The following NREP variants were observed in gnomAD, a reference collection of about 807,000 sequenced individuals.
The protein encoded by NREP is neuronal regeneration related protein, also known as neuronal regeneration-related protein.
A neutral mutation model predicts 8.6 loss-of-function variants in NREP; 5 were observed. That is an observed-to-expected ratio of 0.58 (90% confidence interval 0.30 to 1.22). The LOEUF is 1.22. Among genes scored for constraint, NREP ranks in the 50% most tolerant of loss-of-function variants. NREP has a pLI of 0.07. For missense variants in NREP, 86 were observed against 82.5 expected (o/e 1.04, Z -0.17); for synonymous variants, 27 against 28.0 (o/e 0.96, Z 0.11).
intron 2 of NREP, among the ~76,000 whole-genome samples, chr5:111,936,882 G>A (rs1427879345): frequency 3.9e-5 from 6 of 152,042 alleles, no homozygotes; most frequent in Non-Finnish European, 7.4e-5. Flanking sequence ...TCTAACACAA[G>A]GTGCTATTTT....
chr5:111,811,902 T>G (rs1418053112), intron 2 of NREP, among the ~76,000 whole-genome samples: 1 of 152,154 alleles, frequency 6.6e-6, no homozygotes, highest in African/African-American at 2.4e-5. Context: ...AAATATAACT[T>G]AAAGAAATTA....
chr5:111,902,021 G>C (rs1047250887), intron 2 of NREP, among the ~76,000 whole-genome samples: 2 of 152,076 alleles, frequency 1.3e-5, no homozygotes, highest in African/African-American at 4.8e-5. Flanking sequence ...AACAAATGTG[G>C]AGGCACCACA....
At chr5:111,792,385 T>G (rs867868219) in intron 2 of NREP, among the ~76,000 whole-genome samples, 1 of 152,190 alleles carries the variant, frequency 6.6e-6, no homozygotes, top group African/African-American at 2.4e-5. Context: ...TTAACCCAAC[T>G]TAATAAAATG....
In NREP at chr5:111,808,159, C is replaced by A. The variant is rs546402260; in HGVS notation, c.136-72652G>T. ...TAACTTGTACTTATCTATAAGAATG[C>A]ACAAAGATTTATACCCAAGAATGTG... On this transcript the variant is annotated intron_variant, in intron 2 of 3. Coordinates refer to the NREP transcript ENST00000395634. Among the ~76,000 whole-genome samples, 13 of 152,332 alleles carry A rather than the reference C, an allele frequency of 8.5e-5. No homozygotes were observed. The South Asian group carries it at 2.7e-3, about 32-fold the overall frequency.
intron 2 of NREP, among the ~76,000 whole-genome samples, chr5:111,766,868 CATAA>C (rs1457650508): frequency 2.6e-5 from 4 of 152,216 alleles, no homozygotes; most frequent in Non-Finnish European, 5.9e-5. Context: ...TTTTCTTGGT[CATAA>C]ATCATATGGG....
At chr5:111,961,087 C>T (rs1338972354) in intron 2 of NREP, among the ~76,000 whole-genome samples, 1 of 152,214 alleles carries the variant, frequency 6.6e-6, no homozygotes, top group Non-Finnish European at 1.5e-5. Flanking sequence ...TTTATCTTAA[C>T]CCTTCCCACT....
intron 2 of NREP, among the ~76,000 whole-genome samples, chr5:111,900,441 AG>A (rs1263042866): frequency 6.6e-6 from 1 of 152,056 alleles, no homozygotes; most frequent in African/African-American, 2.4e-5. Context: ...AATGTAATAG[AG>A]GCTAAAAATA....
At chr5:111,833,114 G>T (rs1279186814) in intron 2 of NREP, among the ~76,000 whole-genome samples, 1 of 152,142 alleles carries the variant, frequency 6.6e-6, no homozygotes, top group Non-Finnish European at 1.5e-5. Flanking sequence ...GTACCTTAAA[G>T]GTGTTCATAA....
rs188416140 is a variant in NREP, at chr5:111,837,579, C to G, written c.136-102072G>C. Among the ~76,000 whole-genome samples, 15 of 152,076 alleles carry G rather than the reference C, an allele frequency of 9.9e-5. No homozygotes were observed. In the East Asian group the frequency reaches 2.9e-3, roughly 29 times the overall value. On this transcript the variant is annotated intron_variant, in intron 2 of 3. Coordinates refer to the NREP transcript ENST00000395634. ...TAAAAGAGATAAGACTTTATCTTAC[C>G]TTTCTAGTAAGTATTCATAGCAACC...
At chr5:111,888,133 C>A (rs1396730941) in intron 2 of NREP, among the ~76,000 whole-genome samples, 1 of 152,160 alleles carries the variant, frequency 6.6e-6, no homozygotes, top group Non-Finnish European at 1.5e-5. Flanking sequence ...TCTAGAAATG[C>A]TGTCATGCTT....
chr5:111,833,438 C>G (rs577362850), intron 2 of NREP, among the ~76,000 whole-genome samples: 9 of 152,204 alleles, frequency 5.9e-5, no homozygotes, highest in Non-Finnish European at 7.3e-5. Context: ...TCATTCTAGA[C>G]TTTTCTCCTT....
Position 111,750,184 on chromosome 5 carries a change from T to G in NREP, c.3+5586A>C, listed in dbSNP as rs145994478. ...GATCTCCCCTATGATAGTAAAAAGG[T>G]ACTATGCTTACTCTTGCAAGCCTAA... On this transcript the variant is annotated intron_variant, in intron 2 of 3. Transcript: ENST00000257435. Among the ~76,000 whole-genome samples, 928 of 152,282 alleles carry G rather than the reference T, an allele frequency of 6.1e-3. 7 individuals are homozygous for G. The highest frequency in any genetic ancestry group is 0.01 in the Non-Finnish European group (692 of 68,032).
chr5:111,883,875 A>G (rs1000205317), intron 2 of NREP, among the ~76,000 whole-genome samples: 34 of 152,352 alleles, frequency 2.2e-4, no homozygotes, highest in Non-Finnish European at 4.0e-4. Flanking sequence ...AAAGCAGGAA[A>G]GATCTAAAAT....
chr5:111,791,537 G>A (rs995610823), intron 2 of NREP, among the ~76,000 whole-genome samples: 2 of 152,138 alleles, frequency 1.3e-5, no homozygotes, highest in Admixed American at 1.3e-4. Context: ...GGAGTGCAGT[G>A]GTGACATGTC....
rs143759817 is a variant in NREP, at chr5:111,891,857, G to A, written c.135+83417C>T. Among the ~76,000 whole-genome samples, 299 of 152,254 alleles carry A rather than the reference G, an allele frequency of 2.0e-3. 1 individual carries two copies. Among genetic ancestry groups the A allele is most frequent in the African/African-American group, 6.8e-3 (281 of 41,556 alleles). ...AACCATTCCTGGGAAATACACCATC[G>A]TGAGCCAATCACCTCCCCTCAAGCC... On this transcript the variant is annotated intron_variant, in intron 2 of 3. Transcript: ENST00000395634.
At chr5:111,763,751 T>A (rs1310360423) in intron 2 of NREP, among the ~76,000 whole-genome samples, 2 of 98,646 alleles carry the variant, frequency 2.0e-5, no homozygotes, top group South Asian at 5.1e-4. Flanking sequence ...CCAGTACGTC[T>A]GTATGTGTGT....
intron 2 of NREP, among the ~76,000 whole-genome samples, chr5:111,822,643 T>C (rs1752536500): frequency 6.6e-6 from 1 of 152,186 alleles, no homozygotes; most frequent in African/African-American, 2.4e-5. Context: ...ATCAAATCAT[T>C]CAGAGTCTGA....
At chr5:111,818,802 T>G (rs543350705) in intron 2 of NREP, among the ~76,000 whole-genome samples, 1 of 152,306 alleles carries the variant, frequency 6.6e-6, no homozygotes, top group Non-Finnish European at 1.5e-5. Flanking sequence ...AACTGTAGTA[T>G]TTTTGTACAG....
intron 2 of NREP, among the ~76,000 whole-genome samples, chr5:111,919,820 A>G (rs1296820732): frequency 4.6e-5 from 7 of 151,602 alleles, no homozygotes; most frequent in Non-Finnish European, 1.0e-4. Flanking sequence ...GTGTATACCC[A>G]TGTAACAAAC....
Sources: allele counts gnomAD v4.1 joint callset (sites outside exome capture counted in the v4.1 genomes callset), GRCh38; gene constraint gnomAD v4.1.1; transcripts MANE v1.5; gene names NCBI Gene and HGNC (gene_info 2026-07-23, HGNC 2026-07-21).